R3HCC1L: variants seen among roughly 807,000 people sequenced by gnomAD.
The protein encoded by R3HCC1L is R3H domain and coiled-coil containing 1 like.
In R3HCC1L, 51 loss-of-function variants were observed where a neutral mutation model predicts 59.9. That is an observed-to-expected ratio of 0.85 (90% CI 0.68 to 1.07). The LOEUF is 1.07. Among genes scored for constraint, R3HCC1L ranks in the 50% least tolerant of loss-of-function variants. The pLI, the probability that R3HCC1L is intolerant of heterozygous loss-of-function variation, is 0.00. For synonymous variants in R3HCC1L, 322 were observed against 315.2 expected (o/e 1.02, Z -0.23); for missense variants, 965 against 933.0 (o/e 1.03, Z -0.45).
intron 5 of R3HCC1L, among the ~76,000 whole-genome samples, chr10:98,218,824 A>T (rs541445056): frequency 2.0e-5 from 3 of 152,272 alleles, no homozygotes; most frequent in African/African-American, 7.2e-5. Flanking sequence ...CTTTAGATCT[A>T]ATAGTATTTT....
At chr10:98,180,891 C>G (rs1421108612) in intron 4 of R3HCC1L, among the ~76,000 whole-genome samples, 1 of 151,440 alleles carries the variant, frequency 6.6e-6, no homozygotes, top group Non-Finnish European at 1.5e-5. Flanking sequence ...TTTTTGCTTT[C>G]CATTTGCTTG....
intron 4 of R3HCC1L, among the ~76,000 whole-genome samples, chr10:98,191,918 G>A (rs1448687697): frequency 6.6e-6 from 1 of 152,066 alleles, no homozygotes; most frequent in Admixed American, 6.6e-5. Context: ...TCTGCCTCGC[G>A]GGTTCAAGCA....
At chr10:98,181,266 AT>A (rs1200824656) in intron 4 of R3HCC1L, among the ~76,000 whole-genome samples, 1 of 151,996 alleles carries the variant, frequency 6.6e-6, no homozygotes, top group Non-Finnish European at 1.5e-5. Context: ...TCTGTAAAGG[AT>A]TTTATTTCTC....
chr10:98,179,632 G>A (rs61875276), intron 4 of R3HCC1L, among the ~76,000 whole-genome samples: 27,860 of 152,038 alleles, frequency 0.18, 2,665 homozygotes, highest in Middle Eastern at 0.2. Context: ...AGTGTCGGAA[G>A]GAATGGTACC....
chr10:98,201,694 G>A (rs887238065), intron 4 of R3HCC1L, among the ~76,000 whole-genome samples: 3 of 152,078 alleles, frequency 2.0e-5, no homozygotes, highest in Non-Finnish European at 4.4e-5. Context: ...AGCAGAATGA[G>A]ACACATGTTA....
At position 98,208,611 on chromosome 10, in the gene R3HCC1L, C is replaced by T. The variant is rs763394042; in HGVS notation, c.497C>T (p.Ala166Val). 3 of 1,614,058 alleles carry T rather than the reference C, an allele frequency of 1.9e-6. No homozygotes were observed. Among genetic ancestry groups the T allele is most frequent in the Admixed American group, 1.7e-5 (1 of 59,998 alleles). The change falls in exon 5 of 10, where the codon GCC becomes GTC. Residue 166 changes from alanine (A) to valine (V), a missense_variant. Coordinates refer to ENST00000298999, the MANE Select transcript of R3HCC1L (RefSeq NM_001351015.2). ...CATGAGAGGATACTTCTTTCACAGGCCTGTTTAGAAATCAGCGAGGCTCAA... is the reference window on the plus strand; with the variant it reads ...CATGAGAGGATACTTCTTTCACAGGTCTGTTTAGAAATCAGCGAGGCTCAA... ...TGHERILLSQACLEISEAQVP... is the reference protein window; with the variant it reads ...TGHERILLSQVCLEISEAQVP...
At chr10:98,174,908 C>T in intron 4 of R3HCC1L, 2 of 432,914 alleles carry the variant, frequency 4.6e-6, no homozygotes, top group Non-Finnish European at 6.2e-6. Flanking sequence ...CCTTGGCATT[C>T]TCGGAGCCCT....
intron 4 of R3HCC1L, among the ~76,000 whole-genome samples, chr10:98,180,156 C>T (rs1237244504): frequency 6.6e-6 from 1 of 152,032 alleles, no homozygotes; most frequent in Non-Finnish European, 1.5e-5. Context: ...GTTAGGGTGT[C>T]GATTTTAGAT....
intron 5 of R3HCC1L, among the ~76,000 whole-genome samples, chr10:98,210,599 A>G (rs960824003): frequency 2.6e-5 from 4 of 152,066 alleles, no homozygotes; most frequent in Non-Finnish European, 5.9e-5. Flanking sequence ...GTAGTAGAAC[A>G]CTCCCTCTTT....
chr10:98,204,534 G>A (rs910346369), intron 4 of R3HCC1L, among the ~76,000 whole-genome samples: 1 of 152,094 alleles, frequency 6.6e-6, no homozygotes, highest in Non-Finnish European at 1.5e-5. Flanking sequence ...TGTGAAAAGC[G>A]TTTCTTGCCT....
chr10:98,238,693 T>C (rs1857217207), intron 9 of R3HCC1L, among the ~76,000 whole-genome samples: 1 of 152,198 alleles, frequency 6.6e-6, no homozygotes, highest in Non-Finnish European at 1.5e-5. Flanking sequence ...TCTTCTGTAA[T>C]ACTGTAATCC....
chr10:98,197,516 C>T (rs1012265037), intron 4 of R3HCC1L, among the ~76,000 whole-genome samples: 1 of 152,148 alleles, frequency 6.6e-6, no homozygotes, highest in Non-Finnish European at 1.5e-5. Flanking sequence ...GATTGATTGT[C>T]TTCACCAGTA....
chr10:98,228,329 A>G (rs1407723340), intron 5 of R3HCC1L, among the ~76,000 whole-genome samples: 5 of 152,206 alleles, frequency 3.3e-5, no homozygotes, highest in South Asian at 4.1e-4. Context: ...TTCTCTGATG[A>G]CCAGTGATGA....
chr10:98,151,043 C>T (rs796139298), intron 1 of R3HCC1L, among the ~76,000 whole-genome samples: 14 of 152,198 alleles, frequency 9.2e-5, no homozygotes, highest in African/African-American at 2.6e-4. Flanking sequence ...TATGGAAGTT[C>T]GGTTTTCCTT....
chr10:98,173,071 A>C (rs1210889599), intron 4 of R3HCC1L, among the ~76,000 whole-genome samples: 1 of 152,180 alleles, frequency 6.6e-6, no homozygotes, highest in African/African-American at 2.4e-5. Flanking sequence ...GTTAGGTTGC[A>C]GAAATGGAAT....
chr10:98,138,817 T>A (rs914709625), intron 1 of R3HCC1L, among the ~76,000 whole-genome samples: 11 of 152,162 alleles, frequency 7.2e-5, no homozygotes, highest in African/African-American at 2.7e-4. Flanking sequence ...GTTCATATGA[T>A]CATTCTGAAT....
Position 98,162,729 on chromosome 10 carries a change from A to G in R3HCC1L, c.-212-154A>G, listed in dbSNP as rs2184355. On this transcript the variant is annotated intron_variant, in intron 2 of 9. Transcript: ENST00000298999. Reference sequence around the variant, plus strand: ...GTGTGTGTGTTTGAGATAGGATCTCATTCTGTCACCCAGGTTGGAGTGCAG... The same window carrying G: ...GTGTGTGTGTTTGAGATAGGATCTCGTTCTGTCACCCAGGTTGGAGTGCAG... Among the ~76,000 whole-genome samples the G allele has an allele frequency of 3.4e-4, 51 of 151,898 alleles. No individual in the cohort carries two copies. The South Asian group carries it at 0.01, about 31-fold the overall frequency.
intron 4 of R3HCC1L, among the ~76,000 whole-genome samples, chr10:98,167,609 T>C (rs1356812942): frequency 6.6e-6 from 1 of 152,266 alleles, no homozygotes; most frequent in East Asian, 1.9e-4. Flanking sequence ...CAGACTAGCA[T>C]TCTGGGCTAT....
intron 4 of R3HCC1L, among the ~76,000 whole-genome samples, chr10:98,195,737 A>G (rs1473220581): frequency 1.3e-5 from 2 of 152,190 alleles, no homozygotes; most frequent in African/African-American, 2.4e-5. Flanking sequence ...TCATTCTTCA[A>G]GTAGCCTGTA....
Sources: gnomAD v4.1 joint callset for allele counts (sites outside exome capture counted in the v4.1 genomes callset) on GRCh38, gnomAD v4.1.1 for gene constraint, MANE v1.5 for transcripts, NCBI Gene and HGNC (gene_info 2026-07-23, HGNC 2026-07-21) for gene names.